Variants in XRN1 observed in about 807,000 individuals in gnomAD.
The protein encoded by XRN1 is 5'-3' exoribonuclease 1, also known as strand-exchange protein 1 homolog.
XRN1 carries 67 observed loss-of-function variants against 222.3 expected under a neutral mutation model. The ratio of observed to expected loss-of-function variants is 0.30; its 90% CI spans 0.25 to 0.37. XRN1 has a LOEUF of 0.37. Among genes scored for constraint, XRN1 ranks in the 10% least tolerant of loss-of-function variants. XRN1 has a pLI of 1.00. For synonymous variants in XRN1, 643 were observed against 652.4 expected, an observed-to-expected ratio of 0.99 and a Z score of 0.22; for missense variants, 1,707 against 2,000.2, an observed-to-expected ratio of 0.85 and a Z score of 2.80.
At chr3:142,363,804 C>T (rs1368329211) in intron 29 of XRN1, among the ~76,000 whole-genome samples, 1 of 152,178 alleles carries the variant, frequency 6.6e-6, no homozygotes, top group Non-Finnish European at 1.5e-5. Context: ...AATTTTACAA[C>T]CAGCTTATCA....
chr3:142,405,202 A>G (rs2068297382), intron 15 of XRN1, 126 bp from the exon 16 acceptor site: 1 of 801,910 alleles, frequency 1.2e-6, no homozygotes, highest in Non-Finnish European at 2.0e-6. Context: ...AAAAACCAAA[A>G]TCTTAACTAA....
chr3:142,362,429 C>T (rs1295163596), intron 29 of XRN1, among the ~76,000 whole-genome samples: 1 of 152,104 alleles, frequency 6.6e-6, no homozygotes, highest in East Asian at 1.9e-4. Flanking sequence ...AGCTACTGCG[C>T]CCGTCTCTAA....
intron 12 of XRN1, among the ~76,000 whole-genome samples, chr3:142,417,671 T>C (rs1467330598): frequency 2.0e-5 from 3 of 152,368 alleles, no homozygotes; most frequent in South Asian, 4.1e-4. Flanking sequence ...GCTAGAATGC[T>C]TTCAGAAGTG....
intron 5 of XRN1, among the ~76,000 whole-genome samples, chr3:142,424,912 A>G (rs981438818): frequency 3.7e-4 from 56 of 152,108 alleles, no homozygotes; most frequent in Non-Finnish European, 8.8e-5. Flanking sequence ...TCAGATAAGG[A>G]GGTATTAAAA....
rs374678631 is a variant in XRN1, at chr3:142,440,054, G to A, written c.76-7161C>T. On this transcript the variant is annotated intron_variant, in intron 1 of 40. Transcript: ENST00000392981. ...TCCAGCAGCAGGACTGAGGGTGCCC[G>A]GGGAAAGCGCCAGCCCATGCCATCA... Among the ~76,000 whole-genome samples, 1,332 of 152,182 alleles carry A rather than the reference G, an allele frequency of 8.8e-3. 16 individuals are homozygous for A. Among genetic ancestry groups the A allele is most frequent in the South Asian group, 0.029 (138 of 4,820 alleles).
intron 27 of XRN1, among the ~76,000 whole-genome samples, chr3:142,366,906 T>TG (rs1286318397): frequency 6.6e-6 from 1 of 152,194 alleles, no homozygotes; most frequent in Non-Finnish European, 1.5e-5. Flanking sequence ...AGCTGGGTAA[T>TG]GTTCATAATA....
intron 37 of XRN1, among the ~76,000 whole-genome samples, chr3:142,321,659 C>T (rs1000602009): frequency 6.6e-6 from 1 of 152,132 alleles, no homozygotes; most frequent in Non-Finnish European, 1.5e-5. Flanking sequence ...TTGTAGTTTT[C>T]GGTGTATAAG....
intron 15 of XRN1, among the ~76,000 whole-genome samples, chr3:142,410,487 GTTTTTTTTTT>G (rs751870329): frequency 4.4e-5 from 3 of 68,074 alleles, no homozygotes; most frequent in South Asian, 6.2e-4. Flanking sequence ...TCTATCTCAT[GTTTTTTTTTT>G]TTTTTTTTTT....
At chr3:142,322,781 G>C (rs750292830) in intron 37 of XRN1, among the ~76,000 whole-genome samples, 2 of 152,048 alleles carry the variant, frequency 1.3e-5, no homozygotes, top group African/African-American at 2.4e-5. Context: ...GAGGCAGGTG[G>C]ATCACGAGGT....
intron 1 of XRN1, among the ~76,000 whole-genome samples, chr3:142,438,839 T>G (rs983501040): frequency 6.6e-6 from 1 of 152,032 alleles, no homozygotes; most frequent in African/African-American, 2.4e-5. Flanking sequence ...AAGAGACAAC[T>G]CGCAATTATG....
chr3:142,334,271 C>T (rs7653277), intron 34 of XRN1, among the ~76,000 whole-genome samples: 4 of 151,930 alleles, frequency 2.6e-5, no homozygotes, highest in African/African-American at 7.2e-5. Flanking sequence ...GTAATTAAAC[C>T]GTTTACTGGT....
intron 37 of XRN1, among the ~76,000 whole-genome samples, chr3:142,322,934 C>T (rs886659586): frequency 6.6e-5 from 10 of 152,018 alleles, no homozygotes; most frequent in African/African-American, 2.4e-4. Context: ...ACCCGGGAGG[C>T]GGAGGTTGCA....
intron 37 of XRN1, among the ~76,000 whole-genome samples, chr3:142,326,688 C>T (rs2065526221): frequency 6.6e-6 from 1 of 152,060 alleles, no homozygotes; most frequent in South Asian, 2.1e-4. Flanking sequence ...TGAAAGTGGG[C>T]ATCCTTGTCT....
At chr3:142,441,019 C>T (rs911193275) in intron 1 of XRN1, among the ~76,000 whole-genome samples, 9 of 152,200 alleles carry the variant, frequency 5.9e-5, no homozygotes, top group Admixed American at 3.3e-4. Context: ...ATTCAGAAAC[C>T]TTGTGCCACC....
chr3:142,384,644 G>C lies in XRN1; in HGVS notation c.2381C>G (p.Ala794Gly). 6.2e-7 allele frequency: 1 copy of C among 1,602,362 alleles called. No individual in the cohort carries two copies. The highest frequency in any genetic ancestry group is 8.5e-7 in the Non-Finnish European group (1 of 1,175,584). ...RKGIIINETS[A>G]VVYAQLLTGR... Reference sequence around the variant, plus strand: ...TGTGAGTAACTGAGCATACACAACTGCAGATGTTTCATTTATTATTATTCC... The same window carrying C: ...TGTGAGTAACTGAGCATACACAACTCCAGATGTTTCATTTATTATTATTCC... The change falls in exon 21 of 41, where the codon GCA becomes GGA. Residue 794 changes from alanine to glycine, a missense_variant. Around this residue, in one of 2 missense-constraint regions of XRN1, gnomAD observed 1,234 missense variants for 1,518.2 expected, o/e 0.81. Coordinates refer to ENST00000392981, the MANE Select transcript of XRN1 (RefSeq NM_001282857.2).
At chr3:142,431,952 T>TA (rs1282310980) in intron 2 of XRN1, among the ~76,000 whole-genome samples, 75 of 95,822 alleles carry the variant, frequency 7.8e-4, no homozygotes, top group Middle Eastern at 4.1e-3. Flanking sequence ...TTATATAATA[T>TA]ATTATATATA....
rs1577262506 is a variant in XRN1 at position 142,347,468 on chromosome 3, A to G, written c.3769-126T>C. 6.8e-6 allele frequency: 4 copies of G among 590,030 alleles called. No homozygotes were observed. The East Asian group carries it at 1.3e-4, about 19-fold the overall frequency. 36.5% of individuals were successfully genotyped at this position (590,030 alleles called of 1,614,324 possible). A position where few individuals can be genotyped will look rare whatever the true frequency, so the allele number is the denominator to read the frequency against. Reference sequence around the variant, plus strand: ...TCCTTAGAAAAAAACTTAATACAGAAAAGTATAGAGACTTTTAAAGCCACT... The same window carrying G: ...TCCTTAGAAAAAAACTTAATACAGAGAAGTATAGAGACTTTTAAAGCCACT... On this transcript the variant is annotated intron_variant, in intron 32 of 40. Transcript: ENST00000392981.
Position 142,437,595 on chromosome 3 carries a change from A to C in XRN1, c.76-4702T>G, listed in dbSNP as rs575407842. On this transcript the variant is annotated intron_variant, in intron 1 of 40. Transcript: ENST00000392981. ...CTACATATCTTTACAAGCTACTACA[A>C]GAAAACATTGAGGAAAATCTCTAGG... 2.6e-5 allele frequency among the ~76,000 whole-genome samples: 4 copies of C among 152,320 alleles called. No individual in the cohort carries two copies. In the East Asian group the frequency reaches 7.7e-4, roughly 29 times the overall value.
chr3:142,318,856 A>G lies in XRN1; in HGVS notation c.4452T>C (p.His1484=). The G allele has an allele frequency of 1.9e-6, 3 of 1,613,972 alleles. No homozygotes were observed. Among genetic ancestry groups the G allele is most frequent in the Non-Finnish European group, 2.5e-6 (3 of 1,179,914 alleles). The change falls in exon 38 of 41, where the codon CAT becomes CAC. Residue 1484 remains histidine, a synonymous_variant. Coordinates refer to ENST00000392981, the MANE Select transcript of XRN1 (RefSeq NM_001282857.2). ...QVKLSNGLLV[H]GPQCHSENEA... is the part of the protein sequence containing the mutation. ...CATTTTCAGAGTGGCACTGTGGCCC[A>G]TGTACCAGTAAGCCATTAGATAATT...
Sources: allele counts gnomAD v4.1 joint callset (sites outside exome capture counted in the v4.1 genomes callset), GRCh38; gene constraint gnomAD v4.1.1; regional missense constraint gnomAD v4.1.1; transcripts MANE v1.5; gene names NCBI Gene and HGNC (gene_info 2026-07-23, HGNC 2026-07-21).